GLRB: variants seen among roughly 807,000 people sequenced by gnomAD.
GLRB encodes the protein glycine receptor beta, also known as glycine receptor subunit beta.
In GLRB, 33 loss-of-function variants were observed where a neutral mutation model predicts 54.2. The ratio of observed to expected loss-of-function variants is 0.61; its 90% CI spans 0.46 to 0.81. GLRB has a LOEUF of 0.81. Among genes scored for constraint, GLRB ranks in the 40% least tolerant of loss-of-function variants. GLRB has a pLI of 0.00. For synonymous variants in GLRB, 209 were observed against 208.2 expected (o/e 1.00, Z -0.03); for missense variants, 572 against 584.6 (o/e 0.98, Z 0.22).
At chr4:157,094,339 A>C (rs1399995171) in intron 2 of GLRB, among the ~76,000 whole-genome samples, 1 of 152,072 alleles carries the variant, frequency 6.6e-6, no homozygotes, top group East Asian at 1.9e-4. Context: ...TTGCTCACTA[A>C]CTCTGTAAGA....
intron 2 of GLRB, among the ~76,000 whole-genome samples, chr4:157,100,288 A>T (rs893884743): frequency 6.6e-6 from 1 of 152,178 alleles, no homozygotes; most frequent in African/African-American, 2.4e-5. Flanking sequence ...TTGCTTTTCT[A>T]TATGATATGG....
intron 9 of GLRB, among the ~76,000 whole-genome samples, chr4:157,164,172 C>G (rs555023436): frequency 1.5e-4 from 23 of 151,812 alleles, no homozygotes; most frequent in African/African-American, 4.6e-4. Flanking sequence ...TGTTACCACC[C>G]AAGTCTAAGA....
In GLRB at chr4:157,125,275, G is replaced by A. The variant is rs1448934142; in HGVS notation, c.297+2878G>A. 3.3e-5 allele frequency among the ~76,000 whole-genome samples: 5 copies of A among 151,866 alleles called. No individual in the cohort carries two copies. The East Asian group carries it at 5.8e-4, about 18-fold the overall frequency. On this transcript the variant is annotated intron_variant, in intron 4 of 9. Transcript: ENST00000264428. ...TTCCCCAAAACAAGAGTTTGAGAAAGCAGAGAGTATTAGATTTGTCTATAT... is the reference window on the plus strand; with the variant it reads ...TTCCCCAAAACAAGAGTTTGAGAAAACAGAGAGTATTAGATTTGTCTATAT...
chr4:157,159,061 G>A (rs1314037706), intron 9 of GLRB, among the ~76,000 whole-genome samples: 1 of 152,058 alleles, frequency 6.6e-6, no homozygotes, highest in Admixed American at 6.6e-5. Context: ...CTTGTAAGTT[G>A]GATTCCTAGG....
intron 4 of GLRB, among the ~76,000 whole-genome samples, chr4:157,131,719 T>A (rs1297678341): frequency 6.6e-6 from 1 of 151,838 alleles, no homozygotes; most frequent in Non-Finnish European, 1.5e-5. Flanking sequence ...CTTAATGATA[T>A]GCATTTAATG....
intron 2 of GLRB, among the ~76,000 whole-genome samples, chr4:157,110,763 G>A (rs1372197596): frequency 6.6e-6 from 1 of 152,016 alleles, no homozygotes; most frequent in Non-Finnish European, 1.5e-5. Context: ...TTGATCGTGT[G>A]CTAGAGAAGA....
chr4:157,090,275 G>A (rs1370253173), intron 2 of GLRB, among the ~76,000 whole-genome samples: 1 of 152,122 alleles, frequency 6.6e-6, no homozygotes, highest in African/African-American at 2.4e-5. Flanking sequence ...TAAAATAACT[G>A]TACGGATATT....
intron 9 of GLRB, among the ~76,000 whole-genome samples, chr4:157,155,935 T>C (rs1225053947): frequency 6.6e-6 from 1 of 151,840 alleles, no homozygotes; most frequent in African/African-American, 2.4e-5. Context: ...AATGCTAGAT[T>C]TGTGATAGAA....
chr4:157,101,075 T>C (rs957043398), intron 2 of GLRB, among the ~76,000 whole-genome samples: 1 of 152,144 alleles, frequency 6.6e-6, no homozygotes, highest in Non-Finnish European at 1.5e-5. Context: ...GTATGAATTC[T>C]ACAAGGGACA....
At chr4:157,141,648 T>C (rs1308753803) in intron 7 of GLRB, among the ~76,000 whole-genome samples, 1 of 152,010 alleles carries the variant, frequency 6.6e-6, no homozygotes, top group African/African-American at 2.4e-5. Flanking sequence ...CCAATGAACA[T>C]TTATATCAAT....
chr4:157,128,607 T>C (rs180711835), intron 4 of GLRB, among the ~76,000 whole-genome samples: 1 of 151,960 alleles, frequency 6.6e-6, no homozygotes, highest in Admixed American at 6.6e-5. Context: ...GTTTCCAGCC[T>C]AGTGTGGCAC....
At chr4:157,162,755 T>G (rs1737556588) in intron 9 of GLRB, among the ~76,000 whole-genome samples, 1 of 152,170 alleles carries the variant, frequency 6.6e-6, no homozygotes, top group Non-Finnish European at 1.5e-5. Context: ...TACTGTGAGA[T>G]GTCTCCCAGT....
rs1737890915 is a variant in GLRB at position 157,170,721 on chromosome 4, A to G, written c.1487A>G (p.Tyr496Cys). 1 of 1,464,688 alleles carries G rather than the reference A, an allele frequency of 6.8e-7. No homozygotes were observed. Among genetic ancestry groups the G allele is most frequent in the African/African-American group, 1.4e-5 (1 of 70,572 alleles). The allele number at this position is 1,464,688 out of a possible 1,614,324, so 90.7% of individuals were successfully genotyped here. The change falls in exon 10 of 10, where the codon TAT (tyrosine) becomes TGT (cysteine). Residue 496 changes from tyrosine to cysteine, a missense_variant. By Grantham distance (194) the Tyr-to-Cys change is radical (BLOSUM62 -2). Transcript: ENST00000264428. ...LFFNVIYWSI[Y>C]L ...TTCAATGTTATATATTGGTCTATAT[A>G]TTTATGATAAATCTTTTCCATTTGT...
At chr4:157,128,150 A>G (rs1232424609) in intron 4 of GLRB, among the ~76,000 whole-genome samples, 1 of 151,866 alleles carries the variant, frequency 6.6e-6, no homozygotes, top group African/African-American at 2.4e-5. Flanking sequence ...CTCACTCATT[A>G]AGGTTAATTC....
At chr4:157,156,868 C>T (rs1465927986) in intron 9 of GLRB, among the ~76,000 whole-genome samples, 1 of 152,136 alleles carries the variant, frequency 6.6e-6, no homozygotes, top group Non-Finnish European at 1.5e-5. Context: ...GAAACTTGGA[C>T]ATTTTGATAT....
Position 157,135,190 on chromosome 4 carries a change from A to G in GLRB, c.298-1279A>G, listed in dbSNP as rs1006393498. Among the ~76,000 whole-genome samples the G allele has an allele frequency of 6.6e-5, 10 of 152,164 alleles. No homozygotes were observed. In the East Asian group the frequency reaches 1.2e-3, roughly 18 times the overall value. ...AACAACAAGTATGTAAAATATACCT[A>G]CACAGCTTCATCTGGTTATTTCTTA... On this transcript the variant is annotated intron_variant, in intron 4 of 9. Coordinates refer to ENST00000264428, the MANE Select transcript of GLRB (RefSeq NM_000824.5).
At chr4:157,082,367 C>T (rs1032599054) in intron 2 of GLRB, among the ~76,000 whole-genome samples, 3 of 152,162 alleles carry the variant, frequency 2.0e-5, no homozygotes, top group Non-Finnish European at 2.9e-5. Flanking sequence ...CTGCTTTCCC[C>T]ACTAGATTGT....
chr4:157,092,922 G>A (rs1734670982), intron 2 of GLRB, among the ~76,000 whole-genome samples: 1 of 152,088 alleles, frequency 6.6e-6, no homozygotes, highest in Non-Finnish European at 1.5e-5. Context: ...TAGTAAAATG[G>A]CTTTCCTAAT....
intron 4 of GLRB, among the ~76,000 whole-genome samples, chr4:157,132,100 A>G (rs76106284): frequency 0.024 from 3,660 of 151,944 alleles, 57 homozygotes; most frequent in African/African-American, 0.046. Context: ...GGCCATTCAA[A>G]TAGGTGTGTA....
Sources: gnomAD v4.1 joint callset for allele counts (sites outside exome capture counted in the v4.1 genomes callset) on GRCh38, gnomAD v4.1.1 for gene constraint, MANE v1.5 for transcripts, NCBI Gene and HGNC (gene_info 2026-07-23, HGNC 2026-07-21) for gene names.